The following BAIAP2L1 variants were observed in gnomAD, a reference collection of about 807,000 sequenced individuals.
BAIAP2L1 encodes the protein BAR/IMD domain-containing adapter protein 2-like 1.
In BAIAP2L1, 35 loss-of-function variants were observed where a neutral mutation model predicts 66.3. The ratio of observed to expected loss-of-function variants is 0.53; its 90% CI spans 0.40 to 0.70. The LOEUF (loss-of-function observed/expected upper bound fraction) is 0.70, where lower values mean the gene tolerates loss of function less well. Among genes scored for constraint, BAIAP2L1 ranks in the 30% least tolerant of loss-of-function variants. The probability of loss-of-function intolerance (pLI) is 0.00; values close to 1 mark genes in which losing one functional copy is unlikely to be tolerated. For synonymous variants in BAIAP2L1, 269 were observed against 248.7 expected (o/e 1.08, Z -0.77); for missense variants, 622 against 656.9 (o/e 0.95, Z 0.58).
intron 3 of BAIAP2L1, among the ~76,000 whole-genome samples, chr7:98,342,955 C>A (rs1801778130): frequency 6.6e-6 from 1 of 151,882 alleles, no homozygotes; most frequent in South Asian, 2.1e-4. Context: ...GAACTGTGTA[C>A]AGGTAATGAA....
chr7:98,302,677 G>A (rs574565120), intron 12 of BAIAP2L1, among the ~76,000 whole-genome samples: 2 of 152,342 alleles, frequency 1.3e-5, no homozygotes, highest in South Asian at 4.1e-4. Flanking sequence ...AGACTGCTAA[G>A]GACAAGAGGC....
chr7:98,393,483 T>C (rs1803120837), intron 1 of BAIAP2L1, among the ~76,000 whole-genome samples: 3 of 152,024 alleles, frequency 2.0e-5, no homozygotes, highest in Admixed American at 6.6e-5. Context: ...CCTTTTCTTT[T>C]TATGTAACTT....
At chr7:98,307,610 G>C in intron 10 of BAIAP2L1, 79 bp downstream of exon 10, 1 of 1,579,184 alleles carries the variant, frequency 6.3e-7, no homozygotes, top group African/African-American at 1.3e-5. Context: ...GCATGTCCAC[G>C]AAGACAGTTT....
At chr7:98,384,693 CT>C (rs11413562) in intron 1 of BAIAP2L1, among the ~76,000 whole-genome samples, 7 of 118,796 alleles carry the variant, frequency 5.9e-5, no homozygotes, top group Admixed American at 1.1e-4. Flanking sequence ...ATCATTCTAC[CT>C]TTTTTTTTTT....
intron 3 of BAIAP2L1, among the ~76,000 whole-genome samples, chr7:98,348,839 G>A (rs933348447): frequency 3.3e-5 from 5 of 152,196 alleles, no homozygotes; most frequent in Non-Finnish European, 5.9e-5. Context: ...GTGAAGTGTT[G>A]CCCGGGGTCA....
At chr7:98,371,656 A>G (rs1802512704) in intron 1 of BAIAP2L1, among the ~76,000 whole-genome samples, 1 of 152,190 alleles carries the variant, frequency 6.6e-6, no homozygotes. Context: ...TTTATAACTC[A>G]TTTTCAAAGA....
At chr7:98,360,782 G>A (rs769468777) in intron 2 of BAIAP2L1, among the ~76,000 whole-genome samples, 16 of 152,326 alleles carry the variant, frequency 1.1e-4, no homozygotes, top group Middle Eastern at 3.4e-3. Flanking sequence ...GCTTTCTGGA[G>A]GACAGGGGCA....
intron 8 of BAIAP2L1, among the ~76,000 whole-genome samples, chr7:98,310,898 C>A (rs987232280): frequency 6.6e-6 from 1 of 151,964 alleles, no homozygotes; most frequent in Non-Finnish European, 1.5e-5. Context: ...GTTAGCCAGG[C>A]TGGTCTCAAA....
Position 98,350,615 on chromosome 7 carries a change from C to T in BAIAP2L1, c.214+4427G>A, listed in dbSNP as rs112063943. Among the ~76,000 whole-genome samples, 26 of 152,198 alleles carry T rather than the reference C, an allele frequency of 1.7e-4. 1 individual carries two copies. Among genetic ancestry groups the T allele is most frequent in the African/African-American group, 6.3e-4 (26 of 41,536 alleles). On this transcript the variant is annotated intron_variant, in intron 3 of 13. Coordinates refer to ENST00000005260, the MANE Select transcript of BAIAP2L1 (RefSeq NM_018842.5). ...CAGAGGTTGCAGTGAGTCAAGATCG[C>T]GCCACTGCACTCCAGCCTGGGCGAC...
chr7:98,337,738 A>C (rs760552572), intron 3 of BAIAP2L1, among the ~76,000 whole-genome samples: 1 of 151,908 alleles, frequency 6.6e-6, no homozygotes, highest in Non-Finnish European at 1.5e-5. Context: ...CAACATGGTG[A>C]AACCCCATCT....
At chr7:98,330,953 CT>C (rs972737573) in intron 3 of BAIAP2L1, among the ~76,000 whole-genome samples, 2 of 152,208 alleles carry the variant, frequency 1.3e-5, no homozygotes, top group African/African-American at 4.8e-5. Context: ...ATACCTCCCA[CT>C]AGGCCCCCAC....
At chr7:98,315,713 C>T (rs941589490) in intron 6 of BAIAP2L1, 101 bp from the exon 7 acceptor site, 54 of 508,104 alleles carry the variant, frequency 1.1e-4, no homozygotes, top group Admixed American at 6.5e-4. Context: ...TTTACACCTG[C>T]TTTATTTGAA....
intron 8 of BAIAP2L1, among the ~76,000 whole-genome samples, chr7:98,311,490 G>A (rs935621250): frequency 1.3e-4 from 19 of 151,786 alleles, no homozygotes; most frequent in African/African-American, 4.4e-4. Context: ...ACAGTGAGCC[G>A]AGATTGCGCC....
intron 1 of BAIAP2L1, among the ~76,000 whole-genome samples, chr7:98,382,503 A>C (rs866819038): frequency 1.3e-5 from 2 of 152,318 alleles, no homozygotes; most frequent in African/African-American, 4.8e-5. Context: ...ATTTAAAAAA[A>C]GACTAGAAAA....
intron 8 of BAIAP2L1, among the ~76,000 whole-genome samples, chr7:98,311,709 C>T (rs1800877737): frequency 6.6e-6 from 1 of 151,754 alleles, no homozygotes; most frequent in African/African-American, 2.4e-5. Context: ...AGTTTGAGAC[C>T]AGCCTGACCA....
At position 98,381,803 on chromosome 7, in the gene BAIAP2L1, A is replaced by G. The variant is rs572934101; in HGVS notation, c.51+18999T>C. Among the ~76,000 whole-genome samples the G allele has an allele frequency of 6.0e-4, 91 of 152,286 alleles. 1 individual carries two copies. The highest frequency in any genetic ancestry group is 2.1e-3 in the African/African-American group (89 of 41,560). On this transcript the variant is annotated intron_variant, in intron 1 of 13. Coordinates refer to ENST00000005260, the MANE Select transcript of BAIAP2L1 (RefSeq NM_018842.5). The stretch of plus-strand genomic sequence containing the variant: ...ATAATTAAGCCAAAAAATGGCCCCA[A>G]TACACTGAGGTAAGAAAGAAGGATG...
intron 2 of BAIAP2L1, among the ~76,000 whole-genome samples, chr7:98,359,070 A>C (rs1802205445): frequency 6.6e-6 from 1 of 152,222 alleles, no homozygotes; most frequent in Non-Finnish European, 1.5e-5. Context: ...GCAGGGCTGC[A>C]TCCAGCCCAC....
chr7:98,363,778 G>A (rs1429024817), intron 1 of BAIAP2L1, among the ~76,000 whole-genome samples: 1 of 151,492 alleles, frequency 6.6e-6, no homozygotes, highest in Non-Finnish European at 1.5e-5. Context: ...TAGACGACCA[G>A]ATGCAAAAAA....
At chr7:98,315,387 C>A (rs1801037390) in intron 7 of BAIAP2L1, 73 bp downstream of exon 7, 3 of 1,297,976 alleles carry the variant, frequency 2.3e-6, no homozygotes, top group Non-Finnish European at 2.0e-6. Flanking sequence ...TGGGCCACGG[C>A]CCAGCCTTCT....
Sources: gnomAD v4.1 joint callset for allele counts (sites outside exome capture counted in the v4.1 genomes callset) on GRCh38, gnomAD v4.1.1 for gene constraint, MANE v1.5 for transcripts, NCBI Gene and HGNC (gene_info 2026-07-23, HGNC 2026-07-21) for gene names.